The following CENPE variants were observed in gnomAD, a reference collection of about 807,000 sequenced individuals.
CENPE encodes centromere-associated protein E.
Under a neutral mutation model 336.1 loss-of-function variants are expected in CENPE, and 145 were observed. The observed-to-expected ratio is 0.43, with a 90% confidence interval of 0.38 to 0.50. The LOEUF (loss-of-function observed/expected upper bound fraction) is 0.50, where lower values mean the gene tolerates loss of function less well. CENPE is among the 20% of genes least tolerant of loss of function. CENPE has a pLI of 0.00. For synonymous variants in CENPE, 1,013 were observed against 984.8 expected (o/e 1.03, Z -0.54); for missense variants, 2,719 against 3,023.3 (o/e 0.90, Z 2.36).
chr4:103,191,257 G>A (rs1757299143), intron 8 of CENPE, among the ~76,000 whole-genome samples: 1 of 152,186 alleles, frequency 6.6e-6, no homozygotes, highest in African/African-American at 2.4e-5. Context: ...CAGGGATCTA[G>A]AACTAGAAAT....
chr4:103,174,138 G>A (rs1465749285), intron 16 of CENPE, among the ~76,000 whole-genome samples: 1 of 150,956 alleles, frequency 6.6e-6, no homozygotes, highest in Non-Finnish European at 1.5e-5. Context: ...AGAAAATTTG[G>A]TATAAAGTCA....
chr4:103,196,675 C>G, intron 2 of CENPE, 84 bp downstream of exon 2: 2 of 691,394 alleles, frequency 2.9e-6, no homozygotes, highest in South Asian at 3.7e-5. Flanking sequence ...TCTTTAGTGA[C>G]AAATCTAATA....
At position 103,163,420 on chromosome 4, in the gene CENPE, T is replaced by A. The variant is rs534519480; in HGVS notation, c.1722+59A>T. 109 of 1,310,712 alleles carry A rather than the reference T, an allele frequency of 8.3e-5. 3 individuals are homozygous for A. The South Asian group carries it at 1.3e-3, about 16-fold the overall frequency. The allele number at this position is 1,310,712 out of a possible 1,614,324, so 81.2% of individuals were successfully genotyped here. A position where few individuals can be genotyped will look rare whatever the true frequency, so the allele number is the denominator to read the frequency against. On this transcript the variant is annotated intron_variant, in intron 17 of 48. Transcript: ENST00000265148. ...TTCTGACATCATGTTCAGTTACATA[T>A]GTTGCATGTTTTATAGTTCTAATTG...
At chr4:103,136,075 A>G in intron 40 of CENPE, 66 bp downstream of exon 40, 1 of 1,313,312 alleles carries the variant, frequency 7.6e-7, no homozygotes, top group Non-Finnish European at 1.1e-6. Flanking sequence ...CACCTGAAGC[A>G]GGACTTAAAT....
At chr4:103,135,116 T>C (rs1283675477) in intron 40 of CENPE, among the ~76,000 whole-genome samples, 1 of 152,250 alleles carries the variant, frequency 6.6e-6, no homozygotes. Context: ...TTTCTGCTAC[T>C]GCCTCTTAGA....
intron 42 of CENPE, among the ~76,000 whole-genome samples, chr4:103,132,005 T>A (rs991415869): frequency 1.3e-5 from 2 of 152,204 alleles, no homozygotes; most frequent in Non-Finnish European, 2.9e-5. Context: ...GTAAAATTAC[T>A]CTGTATGATA....
chr4:103,138,478 G>A lies in CENPE; in HGVS notation c.6205-29C>T, dbSNP rs1158193429. On this transcript the variant is annotated intron_variant, in intron 38 of 48. Transcript: ENST00000265148. ...CTTTGGTAAAAAGAAAATAAACAGG[G>A]CTTTTGTCATGACTATATTCACATA... The A allele has an allele frequency of 2.0e-6, 3 of 1,466,466 alleles. No individual in the cohort carries two copies. In the Admixed American group the frequency reaches 5.0e-5, roughly 25 times the overall value. The allele number at this position is 1,466,466 out of a possible 1,614,324, so 90.8% of individuals were successfully genotyped here.
intron 1 of CENPE, among the ~76,000 whole-genome samples, chr4:103,197,845 T>C (rs1357651308): frequency 1.3e-5 from 2 of 152,298 alleles, no homozygotes; most frequent in East Asian, 1.9e-4. Context: ...TGAGTGACGA[T>C]TGAATGTAAT....
At chr4:103,184,593 C>A (rs1197747913) in intron 9 of CENPE, among the ~76,000 whole-genome samples, 1 of 152,008 alleles carries the variant, frequency 6.6e-6, no homozygotes, top group East Asian at 1.9e-4. Flanking sequence ...AATAATCTAT[C>A]TTTTCTTTAC....
In CENPE at chr4:103,122,979, GT is replaced by G; in HGVS notation, c.7034del (p.Asn2345ThrfsTer5). ...CCAAGGAAGTCTTCAATGTTTGGTA[GT>G]TTTTAAATAGTTTTTCATTTTTCTC... is the stretch of plus-strand genomic sequence containing the variant. ...LKEKNEKLFK[N>X]YQTLKTSLAS... On this transcript the variant is annotated frameshift_variant, in exon 43 of 49. Transcript: ENST00000265148. LOFTEE classifies it high-confidence loss of function. 6.2e-7 allele frequency: 1 copy of G among 1,613,750 alleles called. No homozygotes were observed. The highest frequency in any genetic ancestry group is 1.1e-5 in the South Asian group (1 of 91,068).
At chr4:103,151,198 G>GTTT (rs1397746996) in intron 26 of CENPE, 21 bp downstream of exon 26, 1 of 1,577,720 alleles carries the variant, frequency 6.3e-7, no homozygotes. Flanking sequence ...AATGGCCAGG[G>GTTT]AAATAACTTT....
chr4:103,163,309 G>A, intron 17 of CENPE, 53 bp from the exon 18 acceptor site: 8 of 1,520,446 alleles, frequency 5.3e-6, no homozygotes, highest in Non-Finnish European at 7.2e-6. Flanking sequence ...TGAAGTCTAA[G>A]GGATTAAAAC....
intron 11 of CENPE, 112 bp downstream of exon 11, chr4:103,182,650 G>C (rs1014182631): frequency 2.5e-6 from 2 of 813,510 alleles, no homozygotes; most frequent in Non-Finnish European, 3.7e-6. Flanking sequence ...ACAACATATC[G>C]ATTATAACAG....
intron 33 of CENPE, 93 bp from the exon 34 acceptor site, chr4:103,143,499 C>T: frequency 1.2e-6 from 1 of 836,886 alleles, no homozygotes; most frequent in Non-Finnish European, 1.9e-6. Context: ...AATCTTCCAC[C>T]CTCTTCTGAG....
Position 103,148,908 on chromosome 4 carries a change from T to C in CENPE, c.3779A>G (p.Glu1260Gly), listed in dbSNP as rs2125936816. ...TIDELRRSVS[E>G]KTAQIINTQD... ...AGTATTTATTATTTGAGCTGTCTTC[T>C]CAGATACGCTTCTTCTTAGTTCATC... The change falls in exon 28 of 49, where the codon GAG (glutamate) becomes GGG (glycine). Residue 1260 changes from glutamate (E) to glycine (G), a missense_variant. Glu to Gly is a moderately conservative substitution (Grantham distance 98). This residue lies in a region of CENPE where 2,437 missense variants were observed against 2,513.3 expected (regional missense o/e 0.97). Coordinates refer to ENST00000265148, the MANE Select transcript of CENPE (RefSeq NM_001813.3). 2.5e-6 allele frequency: 4 copies of C among 1,613,670 alleles called. No individual in the cohort carries two copies. The highest frequency in any genetic ancestry group is 3.4e-6 in the Non-Finnish European group (4 of 1,179,650).
chr4:103,185,275 A>G (rs1201394612), intron 9 of CENPE, among the ~76,000 whole-genome samples: 2 of 151,408 alleles, frequency 1.3e-5, no homozygotes, highest in Non-Finnish European at 2.9e-5. Context: ...ACTGCACTCC[A>G]GCCTGGGAGA....
intron 44 of CENPE, 121 bp downstream of exon 44, chr4:103,120,027 A>C (rs573435601): frequency 1.1e-4 from 72 of 658,722 alleles, no homozygotes; most frequent in African/African-American, 8.8e-4. Context: ...TGAACTTCAG[A>C]AACACATAGG....
intron 9 of CENPE, among the ~76,000 whole-genome samples, chr4:103,184,272 G>A (rs1176820580): frequency 6.6e-6 from 1 of 152,212 alleles, no homozygotes; most frequent in Non-Finnish European, 1.5e-5. Flanking sequence ...GCTCAAGTCT[G>A]TTGAACAAAC....
At chr4:103,166,942 G>A (rs1415311287) in intron 16 of CENPE, among the ~76,000 whole-genome samples, 1 of 152,134 alleles carries the variant, frequency 6.6e-6, no homozygotes, top group Non-Finnish European at 1.5e-5. Context: ...AGTCCCTAAA[G>A]TCTGATGGTT....
Sources: gnomAD v4.1 joint callset for allele counts (sites outside exome capture counted in the v4.1 genomes callset) on GRCh38, gnomAD v4.1.1 for gene constraint, gnomAD v4.1.1 regional missense constraint, MANE v1.5 for transcripts, NCBI Gene and HGNC (gene_info 2026-07-23, HGNC 2026-07-21) for gene names.